CYTH3: variants seen among roughly 807,000 people sequenced by gnomAD.
CYTH3 encodes the protein cytohesin-3.
In CYTH3, 23 loss-of-function variants were observed where a neutral mutation model predicts 55.1. The ratio of observed to expected loss-of-function variants is 0.42; its 90% CI spans 0.30 to 0.59. CYTH3 has a LOEUF of 0.59. Among genes scored for constraint, CYTH3 ranks in the 20% least tolerant of loss-of-function variants. The pLI is 0.20. For missense variants in CYTH3, 413 were observed against 524.8 expected, an observed-to-expected ratio of 0.79 and a Z score of 2.08; for synonymous variants, 249 against 194.9, an observed-to-expected ratio of 1.28 and a Z score of -2.31.
chr7:6,245,110 C>T (rs1443288154), intron 1 of CYTH3, among the ~76,000 whole-genome samples: 2 of 151,118 alleles, frequency 1.3e-5, no homozygotes, highest in African/African-American at 2.4e-5. Context: ...TGAGCCACCG[C>T]GCCCGGCCTT....
chr7:6,211,175 C>G (rs182853101), intron 1 of CYTH3, among the ~76,000 whole-genome samples: 133 of 152,360 alleles, frequency 8.7e-4, no homozygotes, highest in African/African-American at 3.1e-3. Flanking sequence ...GAACCACTCT[C>G]CTGAGCACCT....
At chr7:6,253,621 G>C (rs961486151) in intron 1 of CYTH3, among the ~76,000 whole-genome samples, 1 of 151,810 alleles carries the variant, frequency 6.6e-6, no homozygotes, top group Non-Finnish European at 1.5e-5. Flanking sequence ...TTTGAGACCA[G>C]CCTGGCCAAT....
intron 1 of CYTH3, among the ~76,000 whole-genome samples, chr7:6,234,055 C>T (rs1779456968): frequency 6.6e-6 from 1 of 152,240 alleles, no homozygotes; most frequent in Non-Finnish European, 1.5e-5. Context: ...GTACCATCAC[C>T]TCAGGGCGAG....
At chr7:6,264,446 T>C (rs1780433476) in intron 1 of CYTH3, among the ~76,000 whole-genome samples, 1 of 152,028 alleles carries the variant, frequency 6.6e-6, no homozygotes, top group Admixed American at 6.6e-5. Flanking sequence ...ACACTGTCTC[T>C]AGTAAAATTA....
chr7:6,194,035 C>A (rs932268711), intron 1 of CYTH3, among the ~76,000 whole-genome samples: 4 of 152,330 alleles, frequency 2.6e-5, no homozygotes, highest in Non-Finnish European at 4.4e-5. Context: ...AGTACACCCA[C>A]ATCACCCTAC....
intron 1 of CYTH3, among the ~76,000 whole-genome samples, chr7:6,266,963 G>C (rs1780509361): frequency 6.6e-6 from 1 of 152,206 alleles, no homozygotes; most frequent in Non-Finnish European, 1.5e-5. Context: ...CAATGCTGGA[G>C]GCAGGACTTG....
At chr7:6,253,745 G>A (rs1418005287) in intron 1 of CYTH3, among the ~76,000 whole-genome samples, 1 of 152,108 alleles carries the variant, frequency 6.6e-6, no homozygotes, top group Non-Finnish European at 1.5e-5. Context: ...GAACCCGGGA[G>A]GCGGAAGTTG....
intron 1 of CYTH3, among the ~76,000 whole-genome samples, chr7:6,197,082 A>G (rs1318803948): frequency 2.0e-5 from 3 of 152,222 alleles, no homozygotes; most frequent in African/African-American, 7.2e-5. Flanking sequence ...GAATCTAAAC[A>G]CCAGAATGAT....
intron 1 of CYTH3, among the ~76,000 whole-genome samples, chr7:6,215,460 G>A (rs1583169273): frequency 6.6e-6 from 1 of 151,946 alleles, no homozygotes; most frequent in Non-Finnish European, 1.5e-5. Context: ...TGTGGTGGTG[G>A]GCACCTGTAG....
At chr7:6,237,336 G>C (rs1779549390) in intron 1 of CYTH3, among the ~76,000 whole-genome samples, 1 of 152,218 alleles carries the variant, frequency 6.6e-6, no homozygotes, top group Non-Finnish European at 1.5e-5. Flanking sequence ...AAAAGGCTGA[G>C]AAAATAAATC....
chr7:6,212,598 GAC>G (rs1360613185), intron 1 of CYTH3: 1 of 152,066 alleles, frequency 6.6e-6, no homozygotes, highest in South Asian at 2.1e-4. Context: ...TGTGGCATGT[GAC>G]AGAGTTTCCT....
At chr7:6,242,448 C>G (rs1779699668) in intron 1 of CYTH3, among the ~76,000 whole-genome samples, 1 of 148,726 alleles carries the variant, frequency 6.7e-6, no homozygotes, top group African/African-American at 2.5e-5. Flanking sequence ...ACGATCTTGG[C>G]TCACTGCAAC....
At position 6,162,610 on chromosome 7, in the gene CYTH3, C is replaced by T. The variant is rs1015178583; in HGVS notation, c.*2334G>A. 1 of 152,280 alleles carries T rather than the reference C, an allele frequency of 6.6e-6. No homozygotes were observed. The highest frequency in any genetic ancestry group is 6.5e-5 in the Admixed American group (1 of 15,288). The allele number at this position is 152,280 out of a possible 1,614,324, so 9.4% of individuals were successfully genotyped here. Reference sequence around the variant, plus strand: ...TGGTCGCACAGCCTTCATGCTAATACTGTCCTAACACAGCCTGGAGCTAGG... The same window carrying T: ...TGGTCGCACAGCCTTCATGCTAATATTGTCCTAACACAGCCTGGAGCTAGG... On this transcript the variant is annotated 3_prime_UTR_variant, in exon 13 of 13. Transcript: ENST00000350796.
At chr7:6,267,138 T>C (rs923350354) in intron 1 of CYTH3, among the ~76,000 whole-genome samples, 2 of 152,180 alleles carry the variant, frequency 1.3e-5, no homozygotes, top group African/African-American at 2.4e-5. Flanking sequence ...TCACCTTCCA[T>C]TATGAGTAAA....
At chr7:6,239,923 C>G (rs561728927) in intron 1 of CYTH3, among the ~76,000 whole-genome samples, 61 of 152,174 alleles carry the variant, frequency 4.0e-4, no homozygotes, top group African/African-American at 1.4e-3. Flanking sequence ...TAAGGATATA[C>G]TTTCTAATTC....
At chr7:6,172,452 T>C (rs1783226180) in intron 6 of CYTH3, among the ~76,000 whole-genome samples, 1 of 152,028 alleles carries the variant, frequency 6.6e-6, no homozygotes, top group South Asian at 2.1e-4. Flanking sequence ...CCCACAGCAG[T>C]GATGCGTCTC....
intron 5 of CYTH3, among the ~76,000 whole-genome samples, chr7:6,175,582 C>CT (rs1783331916): frequency 8.0e-6 from 1 of 124,832 alleles, no homozygotes; most frequent in African/African-American, 3.2e-5. Context: ...GAGTCTCACT[C>CT]TGTTACCCAG....
intron 11 of CYTH3, 36 bp downstream of exon 11, chr7:6,165,509 G>C (rs200810511): frequency 1.2e-6 from 2 of 1,610,762 alleles, no homozygotes; most frequent in African/African-American, 2.7e-5. Flanking sequence ...CTCCCAGGTG[G>C]CTGGCAGGAG....
At chr7:6,177,687 G>A (rs181210006) in intron 5 of CYTH3, 136 bp downstream of exon 5, 37 of 678,618 alleles carry the variant, frequency 5.5e-5, no homozygotes, top group Admixed American at 1.2e-4. Context: ...GTATTGAGAC[G>A]GGCATGTGGA....
Sources: gnomAD v4.1 joint callset for allele counts (sites outside exome capture counted in the v4.1 genomes callset) on GRCh38, gnomAD v4.1.1 for gene constraint, MANE v1.5 for transcripts, NCBI Gene and HGNC (gene_info 2026-07-23, HGNC 2026-07-21) for gene names.